Variants in RELN observed in about 807,000 individuals in gnomAD.
RELN encodes the protein reelin.
A neutral mutation model predicts 427.6 loss-of-function variants in RELN; 108 were observed. The ratio of observed to expected loss-of-function variants is 0.25; its 90% CI spans 0.22 to 0.30. The LOEUF is 0.30. Ranked by LOEUF, RELN falls within the 10% of genes least tolerant of loss-of-function variation. RELN has a pLI of 1.00. For missense variants in RELN, 3,715 were observed against 4,302.8 expected (o/e 0.86, Z 3.82); for synonymous variants, 1,524 against 1,513.4 (o/e 1.01, Z -0.16).
intron 3 of RELN, among the ~76,000 whole-genome samples, chr7:103,829,980 T>G (rs1793236406): frequency 1.3e-5 from 2 of 151,980 alleles, no homozygotes; most frequent in South Asian, 2.1e-4. Context: ...TTTAGAAAGA[T>G]CAGGTAAATG....
At chr7:103,500,240 C>T (rs1320378002) in intron 53 of RELN, among the ~76,000 whole-genome samples, 1 of 152,126 alleles carries the variant, frequency 6.6e-6, no homozygotes, top group Non-Finnish European at 1.5e-5. Context: ...TCAAAAGTGA[C>T]CTCTCCATTC....
At chr7:103,476,505 A>G (rs946884039) in intron 64 of RELN, among the ~76,000 whole-genome samples, 1 of 152,094 alleles carries the variant, frequency 6.6e-6, no homozygotes, top group African/African-American at 2.4e-5. Context: ...CAAACAAACA[A>G]AAAAACCACA....
At chr7:103,606,980 T>C (rs1308389583) in intron 22 of RELN, among the ~76,000 whole-genome samples, 2 of 151,754 alleles carry the variant, frequency 1.3e-5, no homozygotes, top group Admixed American at 6.6e-5. Flanking sequence ...GGTTTCCAGT[T>C]TCATCCATGT....
At chr7:103,594,238 C>G in intron 26 of RELN, 83 bp downstream of exon 26, 1 of 1,378,008 alleles carries the variant, frequency 7.3e-7, no homozygotes, top group Non-Finnish European at 1.0e-6. Flanking sequence ...GTGTCAAGCA[C>G]TAAATCCTTA....
intron 8 of RELN, among the ~76,000 whole-genome samples, chr7:103,707,146 T>A (rs1420694807): frequency 1.3e-5 from 2 of 152,106 alleles, no homozygotes; most frequent in African/African-American, 4.8e-5. Flanking sequence ...GACTTACATA[T>A]TTATTAAATT....
chr7:103,510,912 C>A lies in RELN; in HGVS notation c.8213G>T (p.Arg2738Leu), dbSNP rs141115137. ...GVMLCGSHDG[R>L]EVYAVTHDLT... ...GTCATGGGTCACTGCATACACCTCC[C>A]GTCCATCATGACTGCCACAGAGCAT... The change falls in exon 51 of 65, where the codon CGG becomes CTG. Residue 2738 changes from arginine to leucine, a missense_variant. Arg to Leu is a moderately radical substitution (Grantham distance 102, BLOSUM62 -2). Around this residue, in one of 4 missense-constraint regions of RELN, gnomAD observed 1,310 missense variants for 1,643.0 expected, o/e 0.80. Coordinates refer to ENST00000428762, the MANE Select transcript of RELN (RefSeq NM_005045.4). The A allele has an allele frequency of 6.8e-6, 11 of 1,612,924 alleles. No individual in the cohort carries two copies. The African/African-American group carries it at 1.5e-4, about 22-fold the overall frequency.
chr7:103,749,921 C>A (rs189376613), intron 5 of RELN, among the ~76,000 whole-genome samples: 4 of 152,104 alleles, frequency 2.6e-5, no homozygotes, highest in African/African-American at 9.7e-5. Flanking sequence ...GTAATTGAAT[C>A]ATGGGGGCAA....
At chr7:103,777,756 A>T (rs555838393) in intron 3 of RELN, among the ~76,000 whole-genome samples, 2 of 152,286 alleles carry the variant, frequency 1.3e-5, no homozygotes, top group South Asian at 4.1e-4. Context: ...AATTGTAAGT[A>T]GACCCTAGTG....
chr7:103,799,374 C>A (rs540762320), intron 3 of RELN, among the ~76,000 whole-genome samples: 3 of 152,190 alleles, frequency 2.0e-5, no homozygotes, highest in Admixed American at 6.5e-5. Flanking sequence ...TGATACTGCT[C>A]AAAAATGGTG....
chr7:103,526,274 C>T (rs1829820753), intron 46 of RELN, among the ~76,000 whole-genome samples: 1 of 152,180 alleles, frequency 6.6e-6, no homozygotes, highest in African/African-American at 2.4e-5. Context: ...CCAATGCTGA[C>T]ATTTTCAATT....
Position 103,654,115 on chromosome 7 carries a change from G to A in RELN, c.1532C>T (p.Thr511Ile), listed in dbSNP as rs372928932. 2 of 1,588,440 alleles carry A rather than the reference G, an allele frequency of 1.3e-6. No individual in the cohort carries two copies. The highest frequency in any genetic ancestry group is 1.3e-5 in the African/African-American group (1 of 74,412). ...TACCTTATATGAGGAATAGGAAAGG[G>A]TATCCAGTGTTATATGCTCTTTTCT... ...EGRKEHITLDTLSYSSYKVPS... is the reference protein window; with the variant it reads ...EGRKEHITLDILSYSSYKVPS... The change falls in exon 13 of 65, where the codon ACC becomes ATC. Residue 511 changes from threonine to isoleucine, a missense_variant. Physicochemically the swap from Thr to Ile is moderately conservative, Grantham distance 89. Coordinates refer to ENST00000428762, the MANE Select transcript of RELN (RefSeq NM_005045.4).
At position 103,629,600 on chromosome 7, in the gene RELN, T is replaced by A. The variant is rs73402447; in HGVS notation, c.2702+340A>T. ...GGGCCTCTGAGGGCGAATATGGTCATCACTTTAATAACTAACACTTTTTGA... is the reference window on the plus strand; with the variant it reads ...GGGCCTCTGAGGGCGAATATGGTCAACACTTTAATAACTAACACTTTTTGA... On this transcript the variant is annotated intron_variant, in intron 20 of 64. Transcript: ENST00000428762. Among the ~76,000 whole-genome samples the A allele has an allele frequency of 5.0e-4, 76 of 151,982 alleles. 1 individual carries two copies. Among genetic ancestry groups the A allele is most frequent in the African/African-American group, 1.8e-3 (74 of 41,346 alleles).
intron 36 of RELN, among the ~76,000 whole-genome samples, chr7:103,559,482 G>A (rs917811095): frequency 6.6e-6 from 1 of 152,000 alleles, no homozygotes; most frequent in Non-Finnish European, 1.5e-5. Flanking sequence ...TGCTCTGTTC[G>A]GTCCATGATA....
At chr7:103,902,768 A>G (rs561237700) in intron 2 of RELN, among the ~76,000 whole-genome samples, 1 of 152,240 alleles carries the variant, frequency 6.6e-6, no homozygotes, top group East Asian at 1.9e-4. Context: ...AGAAGACAAA[A>G]GTGGAAACAG....
chr7:103,743,662 A>C lies in RELN; in HGVS notation c.656+5764T>G, dbSNP rs540795380. Among the ~76,000 whole-genome samples, 10 of 152,338 alleles carry C rather than the reference A, an allele frequency of 6.6e-5. No individual in the cohort carries two copies. In the South Asian group the frequency reaches 2.1e-3, roughly 32 times the overall value. On this transcript the variant is annotated intron_variant, in intron 6 of 64. Coordinates refer to ENST00000428762, the MANE Select transcript of RELN (RefSeq NM_005045.4). ...AAACCAACAAAGATCAAAAGAGACA[A>C]AGAAGGACGTTACATAATGGTAAAG...
chr7:103,503,383 CAG>C (rs1272285750), intron 51 of RELN, among the ~76,000 whole-genome samples, 153 bp from the exon 52 acceptor site: 1 of 152,156 alleles, frequency 6.6e-6, no homozygotes, highest in Non-Finnish European at 1.5e-5. Context: ...TGCTAATGGA[CAG>C]AGAAAGTCAC....
Position 103,626,466 on chromosome 7 carries a change from T to C in RELN, c.2702+3474A>G, listed in dbSNP as rs1010615342. ...CCTGGATTCAAGCGATTCTTGTGCC[T>C]CAACCTCCCAAATAGCTGGGATTAC... On this transcript the variant is annotated intron_variant, in intron 20 of 64. Coordinates refer to ENST00000428762, the MANE Select transcript of RELN (RefSeq NM_005045.4). The surrounding 1 kb of genome is among the most constrained non-coding windows in gnomAD (Gnocchi z 4.4). 1.3e-5 allele frequency among the ~76,000 whole-genome samples: 2 copies of C among 152,120 alleles called. No homozygotes were observed. The highest frequency in any genetic ancestry group is 2.4e-5 in the African/African-American group (1 of 41,438).
At chr7:103,849,965 T>C (rs982299682) in intron 2 of RELN, among the ~76,000 whole-genome samples, 2 of 152,194 alleles carry the variant, frequency 1.3e-5, no homozygotes, top group Non-Finnish European at 2.9e-5. Flanking sequence ...TTTCAAGAAA[T>C]TTTCCTATGC....
At chr7:103,574,321 G>A (rs1472542676) in intron 29 of RELN, 22 bp from the exon 30 acceptor site, 1 of 1,597,858 alleles carries the variant, frequency 6.3e-7, no homozygotes, top group Admixed American at 1.7e-5. Context: ...GAAATAGAGA[G>A]GAGAGATGCT....
Sources: gnomAD v4.1 joint callset for allele counts (sites outside exome capture counted in the v4.1 genomes callset) on GRCh38, gnomAD v4.1.1 for gene constraint, gnomAD v4.1.1 regional missense constraint, Gnocchi (gnomAD v3.1) non-coding constraint, MANE v1.5 for transcripts, NCBI Gene and HGNC (gene_info 2026-07-23, HGNC 2026-07-21) for gene names.